The following NRCAM variants were observed in gnomAD, a reference collection of about 807,000 sequenced individuals.
The protein encoded by NRCAM is NgCAM-related cell adhesion molecule.
In NRCAM, 83 loss-of-function variants were observed where a neutral mutation model predicts 156.5. That is an observed-to-expected ratio of 0.53 (90% CI 0.44 to 0.64). The LOEUF (loss-of-function observed/expected upper bound fraction) is 0.64. NRCAM is among the 30% of genes least tolerant of loss of function. NRCAM has a pLI of 0.00. For synonymous variants in NRCAM, 538 were observed against 563.9 expected (o/e 0.95, Z 0.65); for missense variants, 1,417 against 1,597.3 (o/e 0.89, Z 1.92).
chr7:108,426,158 C>T (rs769675269), intron 1 of NRCAM, among the ~76,000 whole-genome samples: 1 of 152,224 alleles, frequency 6.6e-6, no homozygotes, highest in Non-Finnish European at 1.5e-5. Flanking sequence ...GTCATCAGAA[C>T]TACACATGAA....
intron 3 of NRCAM, among the ~76,000 whole-genome samples, chr7:108,309,122 A>G (rs1161795450): frequency 2.0e-5 from 3 of 152,186 alleles, no homozygotes; most frequent in Non-Finnish European, 4.4e-5. Context: ...TTCAGTGGTA[A>G]GTAGTCATTC....
chr7:108,226,462 T>C, intron 8 of NRCAM, 84 bp from the exon 9 acceptor site: 1 of 904,082 alleles, frequency 1.1e-6, no homozygotes. Context: ...TACCTACTAA[T>C]AGGTCTGTGA....
intron 32 of NRCAM, among the ~76,000 whole-genome samples, chr7:108,151,555 T>C (rs139008080): frequency 6.6e-6 from 1 of 152,306 alleles, no homozygotes; most frequent in East Asian, 1.9e-4. Flanking sequence ...GCTAGCATAA[T>C]ATGACACTGG....
chr7:108,296,614 A>C (rs572190296), intron 3 of NRCAM, among the ~76,000 whole-genome samples: 2 of 152,246 alleles, frequency 1.3e-5, no homozygotes, highest in South Asian at 4.1e-4. Flanking sequence ...GGGTCTTCAT[A>C]CCCTGATATC....
chr7:108,239,481 C>T (rs1325889421), intron 4 of NRCAM, among the ~76,000 whole-genome samples: 9 of 152,108 alleles, frequency 5.9e-5, no homozygotes, highest in Admixed American at 3.9e-4. Context: ...TTTAGGGATT[C>T]CGAGGGGCAT....
rs777320061 is a variant in NRCAM at position 108,168,410 on chromosome 7, T to C, written c.3188-8A>G. On this transcript the variant is annotated splice_region_variant and splice_polypyrimidine_tract_variant and intron_variant, in intron 28 of 32. Coordinates refer to ENST00000379028, the MANE Select transcript of NRCAM (RefSeq NM_001037132.4). The stretch of plus-strand genomic sequence containing the variant: ...TGGGATTTACTGCTTGAACTAAACA[T>C]ACAATAGAAAAATAAAACAAACAAT... 6 of 1,588,246 alleles carry C rather than the reference T, an allele frequency of 3.8e-6. No homozygotes were observed. Among genetic ancestry groups the C allele is most frequent in the Admixed American group, 1.9e-5 (1 of 53,494 alleles).
chr7:108,191,850 G>A lies in NRCAM; in HGVS notation c.1782C>T (p.Phe594=), dbSNP rs753141026. The A allele has an allele frequency of 6.2e-7, 1 of 1,613,320 alleles. No homozygotes were observed. The highest frequency in any genetic ancestry group is 8.5e-7 in the Non-Finnish European group (1 of 1,179,916). The change falls in exon 18 of 33, where the codon TTC becomes TTT. Residue 594 remains phenylalanine, a synonymous_variant. Transcript: ENST00000379028. ...CCACTAGATGATCCTTGTCAACAGT[G>A]AACCTGTGGATAGAATGCATTCAGA... The part of the protein sequence containing the change: ...DNRELPSDER[F]TVDKDHLVVA...
At chr7:108,252,892 T>C (rs1197326411) in intron 3 of NRCAM, among the ~76,000 whole-genome samples, 4 of 152,222 alleles carry the variant, frequency 2.6e-5, no homozygotes, top group Admixed American at 2.6e-4. Context: ...GATAATAATC[T>C]CTACATTGCA....
At chr7:108,277,688 C>T (rs994639658) in intron 3 of NRCAM, among the ~76,000 whole-genome samples, 4 of 152,040 alleles carry the variant, frequency 2.6e-5, no homozygotes, top group African/African-American at 7.2e-5. Flanking sequence ...GAACATGCTT[C>T]TTTAGCTCGG....
intron 1 of NRCAM, among the ~76,000 whole-genome samples, chr7:108,438,737 A>C (rs1246674376): frequency 6.6e-6 from 1 of 152,146 alleles, no homozygotes. Flanking sequence ...CAAATGTAGG[A>C]AATCCTGAGA....
intron 11 of NRCAM, among the ~76,000 whole-genome samples, chr7:108,218,923 G>T (rs2090973769): frequency 6.6e-6 from 1 of 152,032 alleles, no homozygotes; most frequent in Non-Finnish European, 1.5e-5. Flanking sequence ...ACAAACAGCT[G>T]GTTCTTCGAA....
At chr7:108,448,041 T>G (rs761834138) in intron 1 of NRCAM, among the ~76,000 whole-genome samples, 1 of 152,192 alleles carries the variant, frequency 6.6e-6, no homozygotes, top group Non-Finnish European at 1.5e-5. Context: ...AGGACAGCAG[T>G]GAACCCTTGA....
chr7:108,182,592 T>C, intron 23 of NRCAM, 103 bp downstream of exon 23: 1 of 959,762 alleles, frequency 1.0e-6, no homozygotes. Context: ...TGCAAAATAA[T>C]TGCCACCTCC....
chr7:108,245,195 G>C (rs1009636874), intron 3 of NRCAM, among the ~76,000 whole-genome samples: 1 of 152,046 alleles, frequency 6.6e-6, no homozygotes, highest in East Asian at 1.9e-4. Flanking sequence ...CTCCAGTTCC[G>C]GAAGGTTCTG....
intron 9 of NRCAM, 118 bp from the exon 10 acceptor site, chr7:108,225,819 T>C: frequency 1.3e-6 from 1 of 754,630 alleles, no homozygotes; most frequent in South Asian, 1.4e-5. Flanking sequence ...TCCTATCAAG[T>C]AAAAACAGTG....
At chr7:108,251,719 G>C (rs1023794016) in intron 3 of NRCAM, among the ~76,000 whole-genome samples, 8 of 152,210 alleles carry the variant, frequency 5.3e-5, no homozygotes, top group Non-Finnish European at 1.2e-4. Context: ...GGCCATGCAA[G>C]TCTGCCCAGT....
chr7:108,279,090 G>A (rs181543081), intron 3 of NRCAM, among the ~76,000 whole-genome samples: 6 of 152,250 alleles, frequency 3.9e-5, no homozygotes, highest in Admixed American at 1.3e-4. Context: ...ACCAGGTGAC[G>A]AGAAAACACA....
intron 1 of NRCAM, among the ~76,000 whole-genome samples, chr7:108,419,995 C>G (rs1440687901): frequency 2.0e-5 from 3 of 151,030 alleles, no homozygotes; most frequent in Non-Finnish European, 2.9e-5. Flanking sequence ...GGTAGCAAAC[C>G]AAGAATTTAC....
At chr7:108,380,338 TGATA>T (rs2099695575) in intron 2 of NRCAM, among the ~76,000 whole-genome samples, 1 of 152,200 alleles carries the variant, frequency 6.6e-6, no homozygotes, top group Admixed American at 6.5e-5. Context: ...CTGTGCAGCA[TGATA>T]GATAATTTAT....
Sources: gnomAD v4.1 joint callset for allele counts (sites outside exome capture counted in the v4.1 genomes callset) on GRCh38, gnomAD v4.1.1 for gene constraint, MANE v1.5 for transcripts, NCBI Gene and HGNC (gene_info 2026-07-23, HGNC 2026-07-21) for gene names.